Variants in CLEC4E observed in about 807,000 individuals in gnomAD.
CLEC4E encodes the protein C-type lectin domain family 4 member E.
In CLEC4E, 21 loss-of-function variants were observed where a neutral mutation model predicts 24.7. The ratio of observed to expected loss-of-function variants is 0.85; its 90% CI spans 0.60 to 1.22. CLEC4E has a LOEUF of 1.22. CLEC4E is among the 50% of genes most tolerant of loss of function. CLEC4E has a pLI of 0.00. For synonymous variants in CLEC4E, 94 were observed against 85.7 expected, an observed-to-expected ratio of 1.10 and a Z score of -0.54; for missense variants, 249 against 254.1, an observed-to-expected ratio of 0.98 and a Z score of 0.14.
At position 8,538,095 on chromosome 12, in the gene CLEC4E, G is replaced by A. The variant is rs183950390; in HGVS notation, c.221-829C>T. Among the ~76,000 whole-genome samples the A allele has an allele frequency of 2.6e-3, 389 of 152,342 alleles. 1 individual carries two copies. The highest frequency in any genetic ancestry group is 6.8e-3 in the Middle Eastern group (2 of 294). ...CGTTAAGTGTCAAGGGAAAACACCCGCTACTTAGCAGACAGGAAAAGGGAG... is the reference window on the plus strand; with the variant it reads ...CGTTAAGTGTCAAGGGAAAACACCCACTACTTAGCAGACAGGAAAAGGGAG... On this transcript the variant is annotated intron_variant, in intron 3 of 5. Transcript: ENST00000299663.
intron 4 of CLEC4E, 46 bp from the exon 5 acceptor site, chr12:8,536,251 A>G: frequency 9.1e-7 from 1 of 1,093,516 alleles, no homozygotes; most frequent in East Asian, 2.4e-5. Context: ...TTTAGTTTTG[A>G]ATAAACGTTG....
At chr12:8,540,693 T>G in intron 1 of CLEC4E, 68 bp downstream of exon 1, 4 of 1,379,972 alleles carry the variant, frequency 2.9e-6, no homozygotes, top group East Asian at 2.3e-5. Flanking sequence ...TTGTCCTGTC[T>G]TTCACCATAT....
chr12:8,537,287 G>T, intron 3 of CLEC4E, 21 bp from the exon 4 acceptor site: 1 of 1,608,982 alleles, frequency 6.2e-7, no homozygotes, highest in Non-Finnish European at 8.5e-7. Flanking sequence ...AGATGTTTCA[G>T]TGAGTGTCCC....
In CLEC4E at chr12:8,537,268, T is replaced by C; in HGVS notation, c.221-2A>G. The C allele has an allele frequency of 1.2e-6, 2 of 1,612,172 alleles. No homozygotes were observed. The highest frequency in any genetic ancestry group is 1.7e-6 in the Non-Finnish European group (2 of 1,178,506). On this transcript the variant is annotated splice_acceptor_variant, in intron 3 of 5. Coordinates refer to ENST00000299663, the MANE Select transcript of CLEC4E (RefSeq NM_014358.4). LOFTEE classifies it high-confidence loss of function. ...ATGGACAACAATTCTTGACTGAACC[T>C]AGGATGAGAGATGTTTCAGTGAGTG...
rs1940689591 is a variant in CLEC4E at position 8,540,752 on chromosome 12, A to G, written c.37+9T>C. 1.2e-6 allele frequency: 2 copies of G among 1,608,248 alleles called. No individual in the cohort carries two copies. The highest frequency in any genetic ancestry group is 2.2e-5 in the East Asian group (1 of 44,780). On this transcript the variant is annotated intron_variant, in intron 1 of 5. Transcript: ENST00000299663. ...TCTATGGAAGGAAAGGAAGAGTTGC[A>G]GATTTTACCTGTGCATTGTGTTTCA...
In CLEC4E at chr12:8,537,119, T is replaced by C; in HGVS notation, c.368A>G (p.Glu123Gly). 3 of 1,610,862 alleles carry C rather than the reference T, an allele frequency of 1.9e-6. No individual in the cohort carries two copies. The highest frequency in any genetic ancestry group is 2.2e-5 in the East Asian group (1 of 44,826). Reference protein sequence around the residue: ...AHLVVINSQEEQEFLSYKKPK... With the variant: ...AHLVVINSQEGQEFLSYKKPK... ...GCATCGGAGGACTCCAGCTACCTGC[T>C]CCTCCTGTGAGTTGATAACCACCAG... Residue 123 changes from glutamate (E) to glycine (G), a missense_variant, in exon 4 of 6, where the codon GAG becomes GGG. Physicochemically the swap from Glu to Gly is moderately conservative, Grantham distance 98. Coordinates refer to ENST00000299663, the MANE Select transcript of CLEC4E (RefSeq NM_014358.4).
chr12:8,539,404 A>G (rs879605167), intron 2 of CLEC4E, 98 bp from the exon 3 acceptor site: 1 of 766,594 alleles, frequency 1.3e-6, no homozygotes, highest in South Asian at 1.8e-5. Flanking sequence ...AATAATTATC[A>G]TGTTTTTTCT....
chr12:8,535,554 T>C (rs964071475), intron 5 of CLEC4E, among the ~76,000 whole-genome samples: 7 of 149,298 alleles, frequency 4.7e-5, no homozygotes, highest in Non-Finnish European at 1.0e-4. Context: ...ACATGTACCC[T>C]GGAACTTAAA....
intron 3 of CLEC4E, among the ~76,000 whole-genome samples, chr12:8,538,670 A>G (rs373992583): frequency 6.6e-6 from 1 of 152,274 alleles, no homozygotes; most frequent in African/African-American, 2.4e-5. Flanking sequence ...GGAGAGACCC[A>G]CCAACCCTGT....
At chr12:8,536,276 T>C (rs1455193813) in intron 4 of CLEC4E, 71 bp from the exon 5 acceptor site, 2 of 889,912 alleles carry the variant, frequency 2.2e-6, no homozygotes, top group Admixed American at 3.9e-5. Context: ...TAATTATTAT[T>C]CAAAGAGGTA....
At chr12:8,537,776 C>A (rs1940634503) in intron 3 of CLEC4E, among the ~76,000 whole-genome samples, 1 of 152,200 alleles carries the variant, frequency 6.6e-6, no homozygotes. Flanking sequence ...AATAGTTATA[C>A]CAGATATAGA....
At chr12:8,535,170 T>TGCAGA in intron 5 of CLEC4E, among the ~76,000 whole-genome samples, 1 of 152,242 alleles carries the variant, frequency 6.6e-6, no homozygotes, top group Non-Finnish European at 1.5e-5. Context: ...CTTAGCTCTC[T>TGCAGA]TTATTCTGCA....
rs753025511 is a variant in CLEC4E, at chr12:8,534,688, T to A, written c.610A>T (p.Ile204Phe). The part of the protein sequence containing the change: ...DVTCFLNYFR[I>F]CEMVGINPLN... Reference sequence around the variant, plus strand: ...GGATTTATTCCTACCATTTCACAAATCCGAAAATAATTGAGGAAACAGGTT... The same window carrying A: ...GGATTTATTCCTACCATTTCACAAAACCGAAAATAATTGAGGAAACAGGTT... Residue 204 changes from isoleucine (I) to phenylalanine (F), a missense_variant, in exon 6 of 6, where the codon ATT becomes TTT. Transcript: ENST00000299663. The A allele has an allele frequency of 6.2e-7, 1 of 1,613,942 alleles. No homozygotes were observed. The highest frequency in any genetic ancestry group is 2.2e-5 in the East Asian group (1 of 44,866).
Position 8,537,177 on chromosome 12 carries a change from T to A in CLEC4E, c.310A>T (p.Ser104Cys). ...FSTDTISWAL[S>C]LKNCSAMGAH... ...CCCATGGCTGAGCAGTTCTTTAAAC[T>A]TAACGCCCAGGAAATGGTGTCAGTA... The change falls in exon 4 of 6, where the codon AGT (serine) becomes TGT (cysteine). Residue 104 changes from serine (S) to cysteine (C), a missense_variant. By Grantham distance (112) the Ser-to-Cys change is moderately radical. Coordinates refer to ENST00000299663, the MANE Select transcript of CLEC4E (RefSeq NM_014358.4). The A allele has an allele frequency of 1.2e-6, 2 of 1,614,166 alleles. No homozygotes were observed. Among genetic ancestry groups the A allele is most frequent in the South Asian group, 2.2e-5 (2 of 91,084 alleles).
chr12:8,540,823 TTC>T lies in CLEC4E; in HGVS notation c.-28_-27del, dbSNP rs58920673. 1.2e-4 allele frequency: 156 copies of T among 1,285,472 alleles called. No individual in the cohort carries two copies. The highest frequency in any genetic ancestry group is 2.4e-4 in the African/African-American group (17 of 69,408). The allele number at this position is 1,285,472 out of a possible 1,614,324, so 79.6% of individuals were successfully genotyped here. ...TTTTTCTCTCTCTTTGGTTTTTTGT[TTC>T]TCTCTCTCTCTTTTTCTCTCCCTCC... On this transcript the variant is annotated 5_prime_UTR_variant, in exon 1 of 6. Transcript: ENST00000299663.
chr12:8,534,432 G>A lies in CLEC4E; in HGVS notation c.*206C>T, dbSNP rs758566505. 16 of 397,260 alleles carry A rather than the reference G, an allele frequency of 4.0e-5. No individual in the cohort carries two copies. The Admixed American group carries it at 5.9e-4, about 15-fold the overall frequency. 24.6% of individuals were successfully genotyped at this position (397,260 alleles called of 1,614,324 possible). ...ATTGCTTTGTAAATTCTGGGAAGAG[G>A]ACCTGAGACTAACGTAGAGAGAAAA... On this transcript the variant is annotated 3_prime_UTR_variant, in exon 6 of 6. Transcript: ENST00000299663.
Position 8,537,158 on chromosome 12 carries a change from G to T in CLEC4E, c.329C>A (p.Ala110Asp). The T allele has an allele frequency of 6.2e-7, 1 of 1,614,072 alleles. No homozygotes were observed. Among genetic ancestry groups the T allele is most frequent in the African/African-American group, 1.3e-5 (1 of 75,026 alleles). ...GATAACCACCAGGTGAGCCCCCATG[G>T]CTGAGCAGTTCTTTAAACTTAACGC... ...SWALSLKNCS[A>D]MGAHLVVINS... The change falls in exon 4 of 6, where the codon GCC (alanine) becomes GAC (aspartate). Residue 110 changes from alanine (A) to aspartate (D), a missense_variant. Ala to Asp is a moderately radical substitution (Grantham distance 126, BLOSUM62 -2). Transcript: ENST00000299663.
chr12:8,538,223 C>T (rs1591725599), intron 3 of CLEC4E, among the ~76,000 whole-genome samples: 1 of 152,246 alleles, frequency 6.6e-6, no homozygotes, highest in Admixed American at 6.5e-5. Context: ...GAGGCCTAAC[C>T]GTCTCCCTGT....
Position 8,539,922 on chromosome 12 carries a change from C to T in CLEC4E, c.63G>A (p.Met21Ile). ...CTERGCFSSQ[M>I]FLWTVAGIPI... is the part of the protein sequence containing the mutation. ...GGATCCCAGCAACAGTCCATAAGAA[C>T]ATTTGGGAAGAGAAGCATCCTCTCT... The change falls in exon 2 of 6, where the codon ATG (methionine) becomes ATA (isoleucine). Residue 21 changes from methionine (M) to isoleucine (I), a missense_variant. Transcript: ENST00000299663. 6.2e-7 allele frequency: 1 copy of T among 1,610,488 alleles called. No homozygotes were observed. Among genetic ancestry groups the T allele is most frequent in the Non-Finnish European group, 8.5e-7 (1 of 1,176,724 alleles).
Sources: allele counts gnomAD v4.1 joint callset (sites outside exome capture counted in the v4.1 genomes callset), GRCh38; gene constraint gnomAD v4.1.1; transcripts MANE v1.5; gene names NCBI Gene and HGNC (gene_info 2026-07-23, HGNC 2026-07-21).